The following ARMH4 variants were observed in gnomAD, a reference collection of about 807,000 sequenced individuals.
ARMH4 encodes the protein armadillo like helical domain containing 4.
ARMH4 carries 49 observed loss-of-function variants against 61.9 expected under a neutral mutation model. The observed-to-expected ratio is 0.79, with a 90% CI of 0.63 to 1.00. The LOEUF is 1.00. ARMH4 is among the 50% of genes least tolerant of loss of function. ARMH4 has a pLI of 0.00. For missense variants in ARMH4, 934 were observed against 930.0 expected (o/e 1.00, Z -0.06); for synonymous variants, 368 against 341.5 (o/e 1.08, Z -0.85).
chr14:58,006,801 CCT>C (rs1428301107), intron 6 of ARMH4, among the ~76,000 whole-genome samples: 1 of 151,834 alleles, frequency 6.6e-6, no homozygotes, highest in African/African-American at 2.4e-5. Flanking sequence ...AGGAGATACA[CCT>C]AATGTAAATG....
At chr14:58,076,616 T>TAC (rs1885057382) in intron 5 of ARMH4, among the ~76,000 whole-genome samples, 2 of 152,160 alleles carry the variant, frequency 1.3e-5, no homozygotes, top group African/African-American at 4.8e-5. Context: ...ACTACTGAAT[T>TAC]TTATTATATG....
At chr14:58,087,329 TTTTAACAA>T (rs2141250636) in intron 5 of ARMH4, among the ~76,000 whole-genome samples, 1 of 152,296 alleles carries the variant, frequency 6.6e-6, no homozygotes, top group Non-Finnish European at 1.5e-5. Context: ...AAGGTTGTTA[TTTTAACAA>T]CCAAGGTTAA....
At chr14:58,126,066 C>A (rs558536812) in intron 4 of ARMH4, among the ~76,000 whole-genome samples, 1 of 152,316 alleles carries the variant, frequency 6.6e-6, no homozygotes, top group South Asian at 2.1e-4. Context: ...GGCATTCGAG[C>A]TGGCAACAGC....
chr14:58,045,033 C>T (rs1883881648), intron 5 of ARMH4, among the ~76,000 whole-genome samples: 1 of 152,160 alleles, frequency 6.6e-6, no homozygotes, highest in Admixed American at 6.5e-5. Flanking sequence ...ACTGGTTCAA[C>T]CATTGTGGAA....
At chr14:58,053,118 TC>T (rs1249051334) in intron 5 of ARMH4, among the ~76,000 whole-genome samples, 1 of 152,210 alleles carries the variant, frequency 6.6e-6, no homozygotes, top group Non-Finnish European at 1.5e-5. Flanking sequence ...TGTTGCCCAG[TC>T]TATTGTGACA....
chr14:58,136,741 CT>C (rs1437490754), intron 2 of ARMH4, among the ~76,000 whole-genome samples: 1 of 152,152 alleles, frequency 6.6e-6, no homozygotes, highest in African/African-American at 2.4e-5. Flanking sequence ...ATGTTGTTAT[CT>C]GTCCAACTAC....
intron 5 of ARMH4, among the ~76,000 whole-genome samples, chr14:58,050,889 G>A (rs1884115688): frequency 6.6e-6 from 1 of 151,960 alleles, no homozygotes; most frequent in Non-Finnish European, 1.5e-5. Context: ...TAGAGTGTCT[G>A]GCATTAAACT....
intron 1 of ARMH4, 45 bp from the exon 2 acceptor site, chr14:58,139,459 T>C (rs1256893233): frequency 1.9e-6 from 2 of 1,057,164 alleles, no homozygotes; most frequent in Non-Finnish European, 1.4e-6. Flanking sequence ...AAATACATGT[T>C]GTAAATAAGT....
intron 2 of ARMH4, among the ~76,000 whole-genome samples, chr14:58,136,880 C>T (rs1307676797): frequency 6.6e-6 from 1 of 152,132 alleles, no homozygotes; most frequent in Non-Finnish European, 1.5e-5. Context: ...ATTTATCTTC[C>T]ACCCTACCCC....
In ARMH4 at chr14:58,004,819, CAG is replaced by C; in HGVS notation, c.2257-17_2257-16del. 6.2e-7 allele frequency: 1 copy of C among 1,604,854 alleles called. No homozygotes were observed. The highest frequency in any genetic ancestry group is 8.5e-7 in the Non-Finnish European group (1 of 1,172,390). On this transcript the variant is annotated splice_polypyrimidine_tract_variant and intron_variant, in intron 7 of 7. Transcript: ENST00000267485. ...AATTCTCTCTGCTAGAGAAAGAAAA[CAG>C]AAAAGCATTAAACTCTTTCTGCCAC... is the stretch of plus-strand genomic sequence containing the variant.
At chr14:58,095,212 G>A (rs1041900254) in intron 5 of ARMH4, among the ~76,000 whole-genome samples, 5 of 151,986 alleles carry the variant, frequency 3.3e-5, no homozygotes, top group African/African-American at 9.7e-5. Context: ...TGTCTCCCTC[G>A]CTCCTCTCTC....
intron 5 of ARMH4, among the ~76,000 whole-genome samples, chr14:58,087,087 G>A (rs1252421676): frequency 6.6e-6 from 1 of 152,168 alleles, no homozygotes; most frequent in Admixed American, 6.5e-5. Flanking sequence ...ACCTTGAACT[G>A]TTGGCTCCTC....
At chr14:58,080,211 C>G (rs1172979518) in intron 5 of ARMH4, among the ~76,000 whole-genome samples, 1 of 151,932 alleles carries the variant, frequency 6.6e-6, no homozygotes, top group East Asian at 1.9e-4. Flanking sequence ...CTCACCGCAA[C>G]CTCCACTTCC....
At chr14:58,120,855 G>A (rs1032844160) in intron 4 of ARMH4, among the ~76,000 whole-genome samples, 2 of 152,152 alleles carry the variant, frequency 1.3e-5, no homozygotes, top group Non-Finnish European at 1.5e-5. Context: ...CACAAAGGAC[G>A]CTTTGCAGGG....
At chr14:58,148,117 T>G (rs971990634) in intron 1 of ARMH4, among the ~76,000 whole-genome samples, 2 of 152,118 alleles carry the variant, frequency 1.3e-5, no homozygotes, top group Non-Finnish European at 2.9e-5. Flanking sequence ...TGGCATGATC[T>G]CGGCTCACAA....
chr14:58,119,876 G>A (rs946426721), intron 4 of ARMH4, among the ~76,000 whole-genome samples: 4 of 152,066 alleles, frequency 2.6e-5, no homozygotes, highest in Non-Finnish European at 5.9e-5. Flanking sequence ...CTAGTGTGGT[G>A]TATATGGTAT....
intron 5 of ARMH4, among the ~76,000 whole-genome samples, chr14:58,043,516 C>A (rs1388008811): frequency 3.3e-5 from 5 of 152,144 alleles, no homozygotes; most frequent in African/African-American, 1.2e-4. Context: ...TGGGCAAAAA[C>A]TGGAAGCATT....
chr14:58,096,046 A>T (rs369936477), intron 5 of ARMH4, among the ~76,000 whole-genome samples: 178 of 152,272 alleles, frequency 1.2e-3, no homozygotes, highest in African/African-American at 4.0e-3. Context: ...TGTGGAAGGA[A>T]GTGCTGAGCT....
At chr14:58,111,739 T>C (rs932100175) in intron 4 of ARMH4, among the ~76,000 whole-genome samples, 6 of 152,010 alleles carry the variant, frequency 3.9e-5, no homozygotes, top group African/African-American at 1.4e-4. Context: ...CAGACTGAAG[T>C]GCAGTCACAC....
Sources: gnomAD v4.1 joint callset for allele counts (sites outside exome capture counted in the v4.1 genomes callset) on GRCh38, gnomAD v4.1.1 for gene constraint, MANE v1.5 for transcripts, NCBI Gene and HGNC (gene_info 2026-07-23, HGNC 2026-07-21) for gene names.